The following CPQ variants were observed in gnomAD, a reference collection of about 807,000 sequenced individuals.
CPQ encodes Ser-Met dipeptidase.
In CPQ, 37 loss-of-function variants were observed where a neutral mutation model predicts 45.7. The ratio of observed to expected loss-of-function variants is 0.81; its 90% confidence interval spans 0.62 to 1.07. CPQ has a LOEUF of 1.07. CPQ is among the 50% of genes least tolerant of loss of function. The pLI, the probability that CPQ is intolerant of heterozygous loss-of-function variation, is 0.00. For synonymous variants in CPQ, 186 were observed against 205.8 expected, an observed-to-expected ratio of 0.90 and a Z score of 0.82; for missense variants, 537 against 572.9, an observed-to-expected ratio of 0.94 and a Z score of 0.64.
intron 7 of CPQ, among the ~76,000 whole-genome samples, chr8:97,138,152 T>G (rs747464796): frequency 4.6e-5 from 7 of 152,240 alleles, no homozygotes; most frequent in Non-Finnish European, 1.0e-4. Flanking sequence ...TGAACTACAT[T>G]CAGTCTATTT....
intron 5 of CPQ, among the ~76,000 whole-genome samples, chr8:96,981,567 T>C (rs1813896844): frequency 6.6e-6 from 1 of 152,188 alleles, no homozygotes; most frequent in South Asian, 2.1e-4. Context: ...AGTGAAATAA[T>C]TTTACCTGAA....
chr8:96,707,849 G>C (rs1044481804), intron 1 of CPQ, among the ~76,000 whole-genome samples: 2 of 152,022 alleles, frequency 1.3e-5, no homozygotes, highest in Non-Finnish European at 2.9e-5. Context: ...GCCCCTTCCA[G>C]CTTCTGAATG....
intron 1 of CPQ, among the ~76,000 whole-genome samples, chr8:96,724,169 T>G (rs1809801777): frequency 6.6e-6 from 1 of 152,090 alleles, no homozygotes; most frequent in South Asian, 2.1e-4. Context: ...CTTGCTGTTT[T>G]TAACTAAAAA....
chr8:96,933,963 T>C (rs565877240), intron 4 of CPQ, among the ~76,000 whole-genome samples: 233 of 152,184 alleles, frequency 1.5e-3, no homozygotes, highest in Non-Finnish European at 2.5e-3. Context: ...ACAACTGTAA[T>C]GATTGCAGAA....
chr8:96,661,066 TAATC>T (rs757224809), intron 1 of CPQ, among the ~76,000 whole-genome samples: 3 of 152,210 alleles, frequency 2.0e-5, no homozygotes, highest in African/African-American at 7.2e-5. Flanking sequence ...AGTAGATAAT[TAATC>T]AATCTTTGCA....
chr8:96,902,370 G>A (rs945381419), intron 4 of CPQ, among the ~76,000 whole-genome samples: 11 of 152,306 alleles, frequency 7.2e-5, no homozygotes, highest in African/African-American at 2.4e-4. Context: ...ATGTTGCATA[G>A]GTAGTAAGTG....
intron 5 of CPQ, among the ~76,000 whole-genome samples, chr8:97,020,791 A>G (rs1355961217): frequency 6.6e-6 from 1 of 152,164 alleles, no homozygotes; most frequent in African/African-American, 2.4e-5. Context: ...TCTACCAGAC[A>G]TTCAAAGAAG....
At chr8:96,729,195 A>G (rs1189066255) in intron 1 of CPQ, among the ~76,000 whole-genome samples, 1 of 152,204 alleles carries the variant, frequency 6.6e-6, no homozygotes. Flanking sequence ...CTCCATGGCC[A>G]TGGTGGAACT....
chr8:96,836,793 ATT>A (rs200497470), intron 3 of CPQ, among the ~76,000 whole-genome samples: 9 of 142,408 alleles, frequency 6.3e-5, no homozygotes, highest in Non-Finnish European at 9.2e-5. Context: ...ATTCACTGGC[ATT>A]TTTTTTTTTT....
intron 6 of CPQ, among the ~76,000 whole-genome samples, chr8:97,056,126 AC>A (rs1810452892): frequency 6.6e-6 from 1 of 152,078 alleles, no homozygotes; most frequent in African/African-American, 2.4e-5. Flanking sequence ...ACACACACAC[AC>A]ACACAAATTG....
intron 7 of CPQ, among the ~76,000 whole-genome samples, chr8:97,108,106 G>A (rs1192048595): frequency 2.6e-5 from 4 of 152,214 alleles, no homozygotes; most frequent in African/African-American, 7.2e-5. Context: ...TGCCAGTGCT[G>A]TTTCAGGTCA....
At chr8:96,736,101 C>T (rs114897992) in intron 1 of CPQ, among the ~76,000 whole-genome samples, 1,750 of 152,312 alleles carry the variant, frequency 0.011, 40 homozygotes, top group African/African-American at 0.038. Context: ...GTTTGACAGT[C>T]ATGCAATTTG....
At chr8:97,017,537 C>T (rs1234245409) in intron 5 of CPQ, among the ~76,000 whole-genome samples, 1 of 152,204 alleles carries the variant, frequency 6.6e-6, no homozygotes, top group Non-Finnish European at 1.5e-5. Context: ...GCTCACCCAC[C>T]ACCTGGAAAC....
At chr8:96,751,731 G>A (rs868615529) in intron 1 of CPQ, among the ~76,000 whole-genome samples, 1 of 152,100 alleles carries the variant, frequency 6.6e-6, no homozygotes, top group East Asian at 1.9e-4. Flanking sequence ...GTCCTGAATG[G>A]TATTGCCTAG....
At chr8:96,912,097 C>CT (rs1289126269) in intron 4 of CPQ, among the ~76,000 whole-genome samples, 2 of 152,084 alleles carry the variant, frequency 1.3e-5, no homozygotes, top group Non-Finnish European at 2.9e-5. Flanking sequence ...CCTTTCTGAC[C>CT]CCCCAGAACC....
At chr8:96,902,203 G>A (rs1812520397) in intron 4 of CPQ, among the ~76,000 whole-genome samples, 2 of 152,118 alleles carry the variant, frequency 1.3e-5, no homozygotes, top group Non-Finnish European at 2.9e-5. Flanking sequence ...GGGGCCCCAA[G>A]CCAGAGAGCC....
At chr8:96,917,765 A>G (rs2130908788) in intron 4 of CPQ, among the ~76,000 whole-genome samples, 1 of 152,308 alleles carries the variant, frequency 6.6e-6, no homozygotes, top group East Asian at 1.9e-4. Flanking sequence ...ACATGAACAC[A>G]TACTGATATC....
At chr8:96,904,297 T>A (rs1433728701) in intron 4 of CPQ, among the ~76,000 whole-genome samples, 10 of 152,224 alleles carry the variant, frequency 6.6e-5, no homozygotes, top group Admixed American at 5.2e-4. Flanking sequence ...CTGAATGATG[T>A]CACAGTGCAG....
chr8:97,005,188 T>C (rs1809360342), intron 5 of CPQ, among the ~76,000 whole-genome samples: 1 of 151,838 alleles, frequency 6.6e-6, no homozygotes, highest in African/African-American at 2.4e-5. Context: ...TTCAAGCGGT[T>C]CTTCTGCCTC....
Sources: allele counts gnomAD v4.1 joint callset (sites outside exome capture counted in the v4.1 genomes callset), GRCh38; gene constraint gnomAD v4.1.1; transcripts MANE v1.5; gene names NCBI Gene and HGNC (gene_info 2026-07-23, HGNC 2026-07-21).